Variants in TTC28 observed in about 807,000 individuals in gnomAD.
TTC28 encodes the protein tetratricopeptide repeat protein 28.
Under a neutral mutation model 198.0 loss-of-function variants are expected in TTC28, and 61 were observed. The observed-to-expected ratio is 0.31, with a 90% CI of 0.25 to 0.38. The LOEUF (loss-of-function observed/expected upper bound fraction) is 0.38, where lower values mean the gene tolerates loss of function less well. Among genes scored for constraint, TTC28 ranks in the 10% least tolerant of loss-of-function variants. The pLI is 1.00. For synonymous variants in TTC28, 1,171 were observed against 1,297.8 expected, an observed-to-expected ratio of 0.90 and a Z score of 2.10; for missense variants, 2,678 against 3,164.0, an observed-to-expected ratio of 0.85 and a Z score of 3.69.
At chr22:28,621,742 T>TAAAAAAAA (rs771463983) in intron 2 of TTC28, among the ~76,000 whole-genome samples, 9 of 76,004 alleles carry the variant, frequency 1.2e-4, no homozygotes, top group Admixed American at 1.6e-4. Flanking sequence ...GACTGTCTCT[T>TAAAAAAAA]AAAAAAAAAA....
intron 2 of TTC28, among the ~76,000 whole-genome samples, chr22:28,577,819 T>C (rs537300173): frequency 6.6e-6 from 1 of 152,282 alleles, no homozygotes; most frequent in South Asian, 2.1e-4. Flanking sequence ...GCATGGAGTA[T>C]CTTTTTCCAT....
intron 5 of TTC28, among the ~76,000 whole-genome samples, chr22:28,242,470 A>T (rs1929725066): frequency 1.3e-5 from 2 of 152,252 alleles, no homozygotes; most frequent in Admixed American, 1.3e-4. Context: ...ATAAAAATCT[A>T]GAGAGGTTGT....
intron 12 of TTC28, among the ~76,000 whole-genome samples, chr22:28,069,206 A>G (rs1476280225): frequency 6.6e-6 from 1 of 152,124 alleles, no homozygotes; most frequent in Non-Finnish European, 1.5e-5. Flanking sequence ...GCATGTTGGC[A>G]CTCTGTTTTT....
chr22:28,153,366 T>C (rs1280131920), intron 6 of TTC28, among the ~76,000 whole-genome samples: 1 of 145,968 alleles, frequency 6.9e-6, no homozygotes, highest in Non-Finnish European at 1.5e-5. Flanking sequence ...TGAGCTTTTA[T>C]GCTTTGGGTA....
At chr22:28,513,236 C>T (rs954945528) in intron 2 of TTC28, among the ~76,000 whole-genome samples, 1 of 152,060 alleles carries the variant, frequency 6.6e-6, no homozygotes, top group Non-Finnish European at 1.5e-5. Flanking sequence ...AAGATATTAG[C>T]TCTTGCTTTA....
In TTC28 at chr22:28,463,462, A is replaced by C. The variant is rs183581898; in HGVS notation, c.382-156819T>G. 5.3e-5 allele frequency among the ~76,000 whole-genome samples: 8 copies of C among 152,324 alleles called. No individual in the cohort carries two copies. The East Asian group carries it at 1.2e-3, about 22-fold the overall frequency. On this transcript the variant is annotated intron_variant, in intron 2 of 22. Transcript: ENST00000397906. ...CATGCTACTATAATGGCACATGCAC[A>C]CATGTGTTTATTGCAGCACTACTCA...
intron 14 of TTC28, among the ~76,000 whole-genome samples, chr22:28,006,310 A>G (rs991416864): frequency 6.6e-6 from 1 of 152,222 alleles, no homozygotes; most frequent in Non-Finnish European, 1.5e-5. Flanking sequence ...AGGCCAAGGT[A>G]GCTGCACAGT....
chr22:28,509,466 G>C (rs1361957490), intron 2 of TTC28, among the ~76,000 whole-genome samples: 2 of 152,148 alleles, frequency 1.3e-5, no homozygotes. Flanking sequence ...AAGAAATCAA[G>C]AAGTTCTTTG....
intron 2 of TTC28, among the ~76,000 whole-genome samples, chr22:28,352,787 T>C (rs2046019489): frequency 6.6e-6 from 1 of 152,094 alleles, no homozygotes; most frequent in Admixed American, 6.6e-5. Flanking sequence ...ATGGGCCAAT[T>C]TGCACCACAA....
chr22:28,117,994 T>C (rs1237848163), intron 6 of TTC28, among the ~76,000 whole-genome samples: 20 of 152,208 alleles, frequency 1.3e-4, no homozygotes. Context: ...AAGTACCCCA[T>C]TTACCCCGAT....
chr22:28,532,782 T>C (rs1406595060), intron 2 of TTC28, among the ~76,000 whole-genome samples: 3 of 152,124 alleles, frequency 2.0e-5, no homozygotes, highest in Non-Finnish European at 1.5e-5. Context: ...TAATCCAGCA[T>C]ATAAACAGAA....
chr22:28,069,925 AACACACACACACACACACAC>A (rs60436240), intron 12 of TTC28, among the ~76,000 whole-genome samples: 1 of 142,052 alleles, frequency 7.0e-6, no homozygotes, highest in Admixed American at 7.0e-5. Context: ...AGGTTGTACA[AACACACACACACACACACAC>A]ACACACACAC....
At chr22:28,572,922 G>C (rs776936061) in intron 2 of TTC28, among the ~76,000 whole-genome samples, 3 of 152,130 alleles carry the variant, frequency 2.0e-5, no homozygotes, top group African/African-American at 7.2e-5. Flanking sequence ...GCCAAAGTGG[G>C]AGGATTGCTT....
chr22:28,478,471 T>G (rs538303797), intron 2 of TTC28, among the ~76,000 whole-genome samples: 10 of 152,318 alleles, frequency 6.6e-5, no homozygotes, highest in East Asian at 3.9e-4. Context: ...ATCGCACCAC[T>G]GCACTCTAGC....
At chr22:28,111,241 T>C (rs1488175755) in intron 6 of TTC28, among the ~76,000 whole-genome samples, 2 of 152,112 alleles carry the variant, frequency 1.3e-5, no homozygotes, top group African/African-American at 4.8e-5. Flanking sequence ...AGTAAGAAAG[T>C]AATATTCCTG....
intron 5 of TTC28, among the ~76,000 whole-genome samples, chr22:28,208,207 C>T (rs2094190284): frequency 6.6e-6 from 1 of 152,108 alleles, no homozygotes; most frequent in Admixed American, 6.5e-5. Flanking sequence ...AATACACAAA[C>T]CCTAATTTCG....
chr22:28,058,106 T>C (rs1418278416), intron 12 of TTC28, among the ~76,000 whole-genome samples: 1 of 152,094 alleles, frequency 6.6e-6, no homozygotes, highest in Non-Finnish European at 1.5e-5. Context: ...TTTTTTTCCT[T>C]AAAGGACAGA....
In TTC28 at chr22:28,552,986, G is replaced by T. The variant is rs901082471; in HGVS notation, c.381+76566C>A. Among the ~76,000 whole-genome samples the T allele has an allele frequency of 1.5e-4, 23 of 152,136 alleles. No homozygotes were observed. In the East Asian group the frequency reaches 4.1e-3, roughly 27 times the overall value. The stretch of plus-strand genomic sequence containing the variant: ...ATTTTTTTGGTGGAGACGGGGTTTC[G>T]CTGTGTTGGCCGGGCTGGTCTCCAG... On this transcript the variant is annotated intron_variant, in intron 2 of 22. Coordinates refer to ENST00000397906, the MANE Select transcript of TTC28 (RefSeq NM_001145418.2).
Position 28,315,730 on chromosome 22 carries a change from T to C in TTC28, c.382-9087A>G, listed in dbSNP as rs190743526. 3.9e-5 allele frequency among the ~76,000 whole-genome samples: 6 copies of C among 152,320 alleles called. No individual in the cohort carries two copies. In the East Asian group the frequency reaches 9.6e-4, roughly 24 times the overall value. On this transcript the variant is annotated intron_variant, in intron 2 of 22. Transcript: ENST00000397906. ...TCTATTCCTAGACTCTCTATTCTGT[T>C]CTATTGATATTTATCTACCCCTTCA...
Sources: allele counts gnomAD v4.1 joint callset (sites outside exome capture counted in the v4.1 genomes callset), GRCh38; gene constraint gnomAD v4.1.1; transcripts MANE v1.5; gene names NCBI Gene and HGNC (gene_info 2026-07-23, HGNC 2026-07-21).